The following AGBL1 variants were observed in gnomAD, a reference collection of about 807,000 sequenced individuals.
AGBL1 encodes the protein cytosolic carboxypeptidase 4.
In AGBL1, 130 loss-of-function variants were observed where a neutral mutation model predicts 118.9. That is an observed-to-expected ratio of 1.09 (90% CI 0.95 to 1.26). AGBL1 has a LOEUF of 1.26. Among genes scored for constraint, AGBL1 ranks in the 50% most tolerant of loss-of-function variants. The pLI is 0.00. For synonymous variants in AGBL1, 555 were observed against 478.9 expected (o/e 1.16, Z -2.08); for missense variants, 1,584 against 1,298.1 (o/e 1.22, Z -3.38).
chr15:86,696,674 A>G (rs1413520033), intron 22 of AGBL1, among the ~76,000 whole-genome samples: 1 of 150,974 alleles, frequency 6.6e-6, no homozygotes, highest in East Asian at 2.0e-4. Flanking sequence ...TTTTAATTGT[A>G]TTTTTGTTTT....
At chr15:86,478,718 A>G (rs2082599590) in intron 18 of AGBL1, among the ~76,000 whole-genome samples, 1 of 152,202 alleles carries the variant, frequency 6.6e-6, no homozygotes. Flanking sequence ...TCTTCACAGA[A>G]TTGGAAAAAA....
chr15:86,178,922 C>G (rs145361054), intron 5 of AGBL1, among the ~76,000 whole-genome samples: 12 of 152,306 alleles, frequency 7.9e-5, no homozygotes, highest in South Asian at 2.1e-4. Context: ...ACGAGGGGCT[C>G]CTGGGCTCTC....
chr15:86,212,088 G>C (rs2078108572), intron 5 of AGBL1, among the ~76,000 whole-genome samples: 1 of 152,172 alleles, frequency 6.6e-6, no homozygotes, highest in Non-Finnish European at 1.5e-5. Context: ...GTAGTGTGGA[G>C]TTAACATTGA....
intron 21 of AGBL1, among the ~76,000 whole-genome samples, chr15:86,667,204 ATG>A: frequency 2.3e-5 from 1 of 44,168 alleles, no homozygotes; most frequent in South Asian, 9.3e-4. Flanking sequence ...TGAGATATCT[ATG>A]TATGTATCTA....
intron 22 of AGBL1, among the ~76,000 whole-genome samples, chr15:86,739,653 C>T (rs2077650195): frequency 6.6e-6 from 1 of 151,982 alleles, no homozygotes; most frequent in African/African-American, 2.4e-5. Flanking sequence ...ATAATCTATC[C>T]ACCCTTAGAA....
chr15:86,619,585 A>G (rs16977848), intron 21 of AGBL1, among the ~76,000 whole-genome samples: 2 of 152,218 alleles, frequency 1.3e-5, no homozygotes, highest in Non-Finnish European at 2.9e-5. Flanking sequence ...GCTGCTGGTC[A>G]GTGCAGTCCT....
At chr15:86,626,836 C>CTTTTT (rs11318598) in intron 21 of AGBL1, among the ~76,000 whole-genome samples, 2 of 117,824 alleles carry the variant, frequency 1.7e-5, no homozygotes, top group African/African-American at 3.2e-5. Context: ...ATATACTTTT[C>CTTTTT]TTTTTTTTTT....
chr15:86,654,759 C>A (rs561491293), intron 21 of AGBL1, among the ~76,000 whole-genome samples: 1 of 152,030 alleles, frequency 6.6e-6, no homozygotes, highest in Non-Finnish European at 1.5e-5. Context: ...TCATGGTAAA[C>A]CTTTTCTGAT....
At position 86,384,902 on chromosome 15, in the gene AGBL1, A is replaced by G. The variant is rs564763271; in HGVS notation, c.2375-12464A>G. On this transcript the variant is annotated intron_variant, in intron 17 of 22. Transcript: ENST00000614907. ...CAGCAAAACAGAATGTTTTGAGGGGAAAAAACCTTATTCTGTTATTCATTT... is the reference window on the plus strand; with the variant it reads ...CAGCAAAACAGAATGTTTTGAGGGGGAAAAACCTTATTCTGTTATTCATTT... 1.3e-3 allele frequency among the ~76,000 whole-genome samples: 196 copies of G among 152,278 alleles called. 2 individuals carry two copies. Among genetic ancestry groups the G allele is most frequent in the African/African-American group, 4.2e-3 (176 of 41,562 alleles).
intron 1 of AGBL1, chr15:86,080,297 G>A (rs983726551): frequency 2.6e-5 from 8 of 308,612 alleles, no homozygotes; most frequent in Admixed American, 5.0e-5. Flanking sequence ...TTCTAGAAAT[G>A]GGAAAGGTGG....
In AGBL1 at chr15:86,719,681, A is replaced by T. The variant is rs576801495; in HGVS notation, c.3158+45245A>T. On this transcript the variant is annotated intron_variant, in intron 22 of 22. Transcript: ENST00000614907. ...TCTTTCCTTTTTATCCTCAATTAAG[A>T]TGGTAAAGGGTGATGGAAGACACAG... Among the ~76,000 whole-genome samples, 42 of 151,824 alleles carry T rather than the reference A, an allele frequency of 2.8e-4. 1 individual carries two copies. In the South Asian group the frequency reaches 7.7e-3, roughly 28 times the overall value.
chr15:86,474,750 G>A (rs540431015), intron 18 of AGBL1, among the ~76,000 whole-genome samples: 2 of 152,332 alleles, frequency 1.3e-5, no homozygotes, highest in African/African-American at 4.8e-5. Context: ...CATGGAGGTT[G>A]AGACCTGAGA....
intron 21 of AGBL1, among the ~76,000 whole-genome samples, chr15:86,617,668 GTA>G (rs2084748917): frequency 6.6e-6 from 1 of 151,514 alleles, no homozygotes; most frequent in Admixed American, 6.6e-5. Flanking sequence ...TGTGACATAA[GTA>G]TATAATATAC....
intron 18 of AGBL1, among the ~76,000 whole-genome samples, chr15:86,400,053 T>C (rs2081422099): frequency 6.6e-6 from 1 of 152,164 alleles, no homozygotes; most frequent in African/African-American, 2.4e-5. Context: ...TGCCTCATCA[T>C]AAAAGAGCTT....
At chr15:86,096,491 A>C (rs1896389316) in intron 1 of AGBL1, among the ~76,000 whole-genome samples, 2 of 152,156 alleles carry the variant, frequency 1.3e-5, no homozygotes, top group African/African-American at 4.8e-5. Context: ...CCTTTCAAAA[A>C]AATCCTGGAT....
At chr15:86,315,801 CT>C (rs2141833293) in intron 17 of AGBL1, among the ~76,000 whole-genome samples, 1 of 152,124 alleles carries the variant, frequency 6.6e-6, no homozygotes, top group South Asian at 2.1e-4. Context: ...CTCTACCTTC[CT>C]TTTATTTCAC....
chr15:86,776,618 T>G (rs1283173635), intron 22 of AGBL1, among the ~76,000 whole-genome samples: 2 of 151,754 alleles, frequency 1.3e-5, no homozygotes, highest in Admixed American at 6.6e-5. Flanking sequence ...TGTCTTTTCA[T>G]TTTTGTGGTT....
chr15:87,029,219 T>C (rs1596758913), downstream of AGBL1, among the ~76,000 whole-genome samples: 1 of 152,056 alleles, frequency 6.6e-6, no homozygotes, highest in African/African-American at 2.4e-5. Flanking sequence ...ATATTTGAAA[T>C]AGTGCCTCTT....
intron 17 of AGBL1, among the ~76,000 whole-genome samples, chr15:86,311,036 G>A (rs111264754): frequency 5.3e-5 from 8 of 152,172 alleles, no homozygotes; most frequent in African/African-American, 1.7e-4. Flanking sequence ...GGTTCCCTGC[G>A]TCCCTTGCAG....
Sources: allele counts gnomAD v4.1 joint callset (sites outside exome capture counted in the v4.1 genomes callset), GRCh38; gene constraint gnomAD v4.1.1; transcripts MANE v1.5; gene names NCBI Gene and HGNC (gene_info 2026-07-23, HGNC 2026-07-21).